Variants in IQSEC3 observed in about 807,000 individuals in gnomAD.
The protein encoded by IQSEC3 is IQ motif and SEC7 domain-containing protein 3.
Under a neutral mutation model 105.4 loss-of-function variants are expected in IQSEC3, and 50 were observed. The ratio of observed to expected loss-of-function variants is 0.47; its 90% CI spans 0.38 to 0.60. The LOEUF is 0.60. Ranked by LOEUF, IQSEC3 falls within the 20% of genes least tolerant of loss-of-function variation. The pLI is 0.00. For missense variants in IQSEC3, 1,415 were observed against 1,630.0 expected (o/e 0.87, Z 2.27); for synonymous variants, 708 against 746.0 (o/e 0.95, Z 0.83).
chr12:123,996 A>G (rs1221710643), intron 2 of IQSEC3, among the ~76,000 whole-genome samples: 5 of 152,142 alleles, frequency 3.3e-5, no homozygotes, highest in Non-Finnish European at 7.4e-5. Flanking sequence ...AGTGTTGACT[A>G]AGCACTCAGC....
intron 5 of IQSEC3, chr12:143,826 CGT>C (rs111698246): frequency 0.31 from 45,650 of 147,296 alleles, 7,387 homozygotes; most frequent in East Asian, 0.47. Context: ...GCTGGGCACC[CGT>C]GTGTGTGTGT....
intron 1 of IQSEC3, among the ~76,000 whole-genome samples, chr12:85,899 CATATATGTGCACACTTA>C (rs1417934905): frequency 6.6e-6 from 1 of 152,154 alleles, no homozygotes; most frequent in Non-Finnish European, 1.5e-5. Flanking sequence ...GTGCATGTTT[CATATATGTGCACACTTA>C]ATCCCCCATT....
At chr12:78,105 G>A (rs1591630016) in intron 1 of IQSEC3, among the ~76,000 whole-genome samples, 2 of 150,970 alleles carry the variant, frequency 1.3e-5, no homozygotes, top group Non-Finnish European at 3.0e-5. Flanking sequence ...GGGAAGCGCG[G>A]CCCGGGCGCC....
intron 1 of IQSEC3, among the ~76,000 whole-genome samples, chr12:84,227 C>G (rs923745848): frequency 6.6e-6 from 1 of 152,242 alleles, no homozygotes; most frequent in Non-Finnish European, 1.5e-5. Flanking sequence ...GAATTTGGCC[C>G]GTGGCCCACT....
chr12:72,348 G>A (rs1383800457), intron 1 of IQSEC3, among the ~76,000 whole-genome samples: 1 of 150,152 alleles, frequency 6.7e-6, no homozygotes, highest in African/African-American at 2.5e-5. Flanking sequence ...AAGAGGGAAG[G>A]GCTGGGACAA....
intron 8 of IQSEC3, 106 bp from the exon 9 acceptor site, chr12:163,388 G>GCCCTCTCCTCCCTCCACAGAACCGGA: frequency 1.8e-6 from 1 of 563,340 alleles, no homozygotes; most frequent in Non-Finnish European, 2.4e-6. Context: ...ACAGAACCGG[G>GCCCTCTCCTCCCTCCACAGAACCGGA]CCCCTCCCCT....
At chr12:119,703 A>G (rs1271211624) in intron 2 of IQSEC3, among the ~76,000 whole-genome samples, 3 of 152,308 alleles carry the variant, frequency 2.0e-5, no homozygotes, top group East Asian at 1.9e-4. Flanking sequence ...GCCTTGGCCA[A>G]TCCCACGTGG....
In IQSEC3 at chr12:174,604, A is replaced by C; in HGVS notation, c.3120A>C (p.Ser1040=). The C allele has an allele frequency of 6.5e-7, 1 of 1,531,406 alleles. No individual in the cohort carries two copies. The highest frequency in any genetic ancestry group is 2.3e-5 in the East Asian group (1 of 44,072). 94.9% of individuals were successfully genotyped at this position (1,531,406 alleles called of 1,614,324 possible). ...TCTGGCTGTTTCTAAACTAGGTGTC[A>C]ATTCACAACAGGCTTCAAACGTCCC... ...ERPAESTVEV[S]IHNRLQTSQH... is the part of the protein sequence containing the mutation. Residue 1040 remains serine (S), a synonymous_variant, in exon 14 of 14, where the codon TCA becomes TCC. Transcript: ENST00000538872.
At chr12:172,759 G>C (rs1939074380) in intron 13 of IQSEC3, among the ~76,000 whole-genome samples, 1 of 152,202 alleles carries the variant, frequency 6.6e-6, no homozygotes, top group African/African-American at 2.4e-5. Context: ...TGAGCAGGGA[G>C]GTGAGAAGGG....
intron 3 of IQSEC3, 80 bp downstream of exon 3, chr12:125,992 C>T (rs1865391218): frequency 2.9e-6 from 4 of 1,367,612 alleles, no homozygotes; most frequent in Non-Finnish European, 3.9e-6. Flanking sequence ...CCAGGGATAT[C>T]CCCGCTGGGT....
chr12:138,771 A>ACCCCCGGCCTG lies in IQSEC3; in HGVS notation c.1418_1428dup (p.His477CysfsTer10). 1 of 1,580,344 alleles carries ACCCCCGGCCTG rather than the reference A, an allele frequency of 6.3e-7. No individual in the cohort carries two copies. The highest frequency in any genetic ancestry group is 8.6e-7 in the Non-Finnish European group (1 of 1,167,496). On this transcript the variant is annotated frameshift_variant, in exon 4 of 14. Transcript: ENST00000538872. LOFTEE classifies it high-confidence loss of function. This position sits in a 1 kb window ranked among gnomAD's most constrained non-coding sequence, Gnocchi z 7.1. Reference sequence around the variant, plus strand: ...CGGGCCCGGGGATGACGCCGCGGAGACCCCCGGCCTGCCCCCGGCCCACAG... The same window carrying ACCCCCGGCCTG: ...CGGGCCCGGGGATGACGCCGCGGAGACCCCCGGCCTGCCCCCGGCCTGCCCCCGGCCCACAG...
At chr12:73,531 G>A (rs1775248250) in intron 1 of IQSEC3, among the ~76,000 whole-genome samples, 1 of 152,130 alleles carries the variant, frequency 6.6e-6, no homozygotes, top group South Asian at 2.1e-4. Flanking sequence ...AAATTAGCCA[G>A]GGATGGTGGT....
intron 7 of IQSEC3, among the ~76,000 whole-genome samples, chr12:161,451 C>G (rs1335258291): frequency 6.6e-6 from 1 of 152,092 alleles, no homozygotes; most frequent in Non-Finnish European, 1.5e-5. Context: ...AGACTAAGCC[C>G]TCAATGCCAT....
At chr12:135,264 G>A (rs1270387475) in intron 3 of IQSEC3, among the ~76,000 whole-genome samples, 1 of 152,244 alleles carries the variant, frequency 6.6e-6, no homozygotes, top group African/African-American at 2.4e-5. Context: ...CCTTGGGGAA[G>A]GACTTTCCTG....
chr12:99,281 C>CCACTG (rs1555075535), intron 2 of IQSEC3, 67 bp downstream of exon 2: 1 of 1,419,928 alleles, frequency 7.0e-7, no homozygotes, highest in Non-Finnish European at 9.7e-7. Context: ...AAAGCACGTA[C>CCACTG]CACTGCACTA....
At chr12:85,212 A>G (rs1413721997) in intron 1 of IQSEC3, among the ~76,000 whole-genome samples, 1 of 152,138 alleles carries the variant, frequency 6.6e-6, no homozygotes, top group Admixed American at 6.5e-5. Context: ...AAGGTGGGTT[A>G]GGAACGCTGT....
rs988952735 is a variant in IQSEC3 at position 176,189 on chromosome 12, C to A, written c.*1156C>A. ...CAGGGGTGCCCAAGAGTCCCTGGAC[C>A]CTCAAAATTGCAAAGGAGACCCAAG... On this transcript the variant is annotated 3_prime_UTR_variant, in exon 14 of 14. Transcript: ENST00000538872. This position sits in a 1 kb window ranked among gnomAD's most constrained non-coding sequence, Gnocchi z 4.0. The A allele has an allele frequency of 7.9e-5, 12 of 152,192 alleles. No individual in the cohort carries two copies. The highest frequency in any genetic ancestry group is 2.7e-4 in the African/African-American group (11 of 41,434). The allele number at this position is 152,192 out of a possible 1,614,324, so 9.4% of individuals were successfully genotyped here.
chr12:79,241 A>G (rs1863664442), intron 1 of IQSEC3, among the ~76,000 whole-genome samples: 1 of 151,462 alleles, frequency 6.6e-6, no homozygotes, highest in African/African-American at 2.4e-5. Flanking sequence ...CCCCCCGCCT[A>G]GCTTTGGATG....
chr12:98,047 T>C (rs1035386413), intron 1 of IQSEC3, among the ~76,000 whole-genome samples: 6 of 152,194 alleles, frequency 3.9e-5, no homozygotes, highest in African/African-American at 7.2e-5. Flanking sequence ...TTGGACAAAG[T>C]GTTCTGAAGC....
Sources: gnomAD v4.1 joint callset for allele counts (sites outside exome capture counted in the v4.1 genomes callset) on GRCh38, gnomAD v4.1.1 for gene constraint, Gnocchi (gnomAD v3.1) non-coding constraint, MANE v1.5 for transcripts, NCBI Gene and HGNC (gene_info 2026-07-23, HGNC 2026-07-21) for gene names.